ROBO1: variants seen among roughly 807,000 people sequenced by gnomAD.
ROBO1 encodes the protein roundabout guidance receptor 1.
ROBO1 carries 149 observed loss-of-function variants against 195.9 expected under a neutral mutation model. That is an observed-to-expected ratio of 0.76 (90% CI 0.67 to 0.87). ROBO1 has a LOEUF of 0.87. Among genes scored for constraint, ROBO1 ranks in the 40% least tolerant of loss-of-function variants. ROBO1 has a pLI of 0.00. For synonymous variants in ROBO1, 816 were observed against 733.2 expected, an observed-to-expected ratio of 1.11 and a Z score of -1.82; for missense variants, 1,933 against 2,068.3, an observed-to-expected ratio of 0.93 and a Z score of 1.27.
At chr3:79,639,448 G>C (rs1385867445) in intron 1 of ROBO1, among the ~76,000 whole-genome samples, 9 of 151,860 alleles carry the variant, frequency 5.9e-5, no homozygotes, top group Admixed American at 5.9e-4. Context: ...TTCTAGAATG[G>C]CCTAAATCAG....
chr3:78,647,451 G>T (rs778451753), intron 20 of ROBO1, among the ~76,000 whole-genome samples, 178 bp downstream of exon 20: 15 of 152,004 alleles, frequency 9.9e-5, no homozygotes, highest in Admixed American at 2.0e-4. Flanking sequence ...TGGATGAAAA[G>T]CAACACCAAC....
chr3:78,938,498 G>T (rs1469574225), intron 4 of ROBO1, 103 bp downstream of exon 4: 23 of 927,616 alleles, frequency 2.5e-5, no homozygotes, highest in Admixed American at 2.2e-4. Context: ...TTTATCCTCA[G>T]GTAAGGCCTG....
chr3:79,001,270 C>T (rs979610036), intron 3 of ROBO1, among the ~76,000 whole-genome samples: 2 of 151,972 alleles, frequency 1.3e-5, no homozygotes, highest in African/African-American at 2.4e-5. Flanking sequence ...CACATGTACC[C>T]CAGAATGAAA....
intron 1 of ROBO1, among the ~76,000 whole-genome samples, chr3:79,759,204 G>A (rs1375386850): frequency 6.6e-6 from 1 of 152,158 alleles, no homozygotes; most frequent in African/African-American, 2.4e-5. Flanking sequence ...AAGTGAAGTT[G>A]TTTTACAATC....
At chr3:79,119,596 T>C (rs2080078343) in intron 3 of ROBO1, among the ~76,000 whole-genome samples, 1 of 152,140 alleles carries the variant, frequency 6.6e-6, no homozygotes, top group Admixed American at 6.6e-5. Context: ...TTGATGTGAG[T>C]TGATAACTTT....
At chr3:79,749,368 G>A (rs531323887) in intron 1 of ROBO1, among the ~76,000 whole-genome samples, 2 of 152,286 alleles carry the variant, frequency 1.3e-5, no homozygotes, top group East Asian at 3.9e-4. Flanking sequence ...TGGAAAATTT[G>A]CAGCCTGACA....
chr3:79,397,484 C>A (rs1408015710), intron 2 of ROBO1, among the ~76,000 whole-genome samples: 1 of 152,050 alleles, frequency 6.6e-6, no homozygotes, highest in East Asian at 1.9e-4. Context: ...ACTGGAGGAA[C>A]AAAGTTCACG....
At chr3:79,072,662 A>G (rs575411549) in intron 3 of ROBO1, among the ~76,000 whole-genome samples, 4 of 151,968 alleles carry the variant, frequency 2.6e-5, no homozygotes, top group African/African-American at 7.2e-5. Flanking sequence ...GACAATTATT[A>G]TTGGCTTAAG....
intron 10 of ROBO1, among the ~76,000 whole-genome samples, chr3:78,677,393 G>C (rs552653490): frequency 6.6e-6 from 1 of 152,262 alleles, no homozygotes; most frequent in African/African-American, 2.4e-5. Flanking sequence ...TGGATAAAGA[G>C]TCAACACCCA....
In ROBO1 at chr3:79,738,607, G is replaced by A. The variant is rs188944772; in HGVS notation, c.-51+29145C>T. 1.8e-3 allele frequency among the ~76,000 whole-genome samples: 274 copies of A among 152,296 alleles called. 2 individuals carry two copies. Among genetic ancestry groups the A allele is most frequent in the African/African-American group, 6.4e-3 (267 of 41,564 alleles). ...AAAACAACGAAGAGTTCAGAGTCAG[G>A]AGGATATTTATTCACAAGAAGTTTC... is the stretch of plus-strand genomic sequence containing the variant. On this transcript the variant is annotated intron_variant, in intron 1 of 30. Coordinates refer to ENST00000464233, the MANE Select transcript of ROBO1 (RefSeq NM_002941.4).
intron 3 of ROBO1, among the ~76,000 whole-genome samples, chr3:79,049,303 T>A (rs1415691706): frequency 1.3e-5 from 2 of 152,114 alleles, no homozygotes; most frequent in African/African-American, 4.8e-5. Flanking sequence ...TATCAGTGAT[T>A]GAAGATCAAA....
chr3:79,324,633 C>T (rs2034129728), intron 2 of ROBO1, among the ~76,000 whole-genome samples: 2 of 151,944 alleles, frequency 1.3e-5, no homozygotes, highest in African/African-American at 4.8e-5. Context: ...GATCTTGAGG[C>T]CTGGAAAGAG....
chr3:79,087,806 T>G (rs2079400787), intron 3 of ROBO1, among the ~76,000 whole-genome samples: 1 of 152,084 alleles, frequency 6.6e-6, no homozygotes, highest in Non-Finnish European at 1.5e-5. Flanking sequence ...ACAACTTGAG[T>G]AGCCTAACTC....
At chr3:79,431,199 T>C (rs868462943) in intron 2 of ROBO1, among the ~76,000 whole-genome samples, 2 of 152,160 alleles carry the variant, frequency 1.3e-5, no homozygotes, top group African/African-American at 2.4e-5. Flanking sequence ...GAGCACCAGT[T>C]TCCTAATGTA....
At chr3:79,289,316 G>A (rs1033672520) in intron 2 of ROBO1, among the ~76,000 whole-genome samples, 11 of 152,146 alleles carry the variant, frequency 7.2e-5, no homozygotes, top group African/African-American at 2.7e-4. Context: ...GAAGGCCATA[G>A]TAATTAGCAT....
At chr3:79,162,769 GT>G (rs924999919) in intron 2 of ROBO1, among the ~76,000 whole-genome samples, 7 of 152,042 alleles carry the variant, frequency 4.6e-5, no homozygotes, top group African/African-American at 1.7e-4. Flanking sequence ...ATATTTCCAT[GT>G]TATCAGGTGT....
chr3:79,134,845 A>G (rs1353802518), intron 2 of ROBO1, among the ~76,000 whole-genome samples: 2 of 113,566 alleles, frequency 1.8e-5, no homozygotes, highest in African/African-American at 6.9e-5. Flanking sequence ...CAATGAGATC[A>G]CATGGACACA....
chr3:78,822,208 A>C (rs899722825), intron 4 of ROBO1, among the ~76,000 whole-genome samples: 2 of 152,130 alleles, frequency 1.3e-5, no homozygotes, highest in Admixed American at 1.3e-4. Flanking sequence ...ACACACACAA[A>C]AAAGTCAAAG....
At chr3:78,951,868 C>G (rs998416031) in intron 3 of ROBO1, among the ~76,000 whole-genome samples, 3 of 152,006 alleles carry the variant, frequency 2.0e-5, no homozygotes, top group African/African-American at 4.8e-5. Context: ...ACTGCTTCCC[C>G]CTCTGAGAGG....
Sources: gnomAD v4.1 joint callset for allele counts (sites outside exome capture counted in the v4.1 genomes callset) on GRCh38, gnomAD v4.1.1 for gene constraint, MANE v1.5 for transcripts, NCBI Gene and HGNC (gene_info 2026-07-23, HGNC 2026-07-21) for gene names.